Variants in HK3 observed in about 807,000 individuals in gnomAD.
HK3 encodes the protein hexokinase-3.
HK3 carries 93 observed loss-of-function variants against 91.0 expected under a neutral mutation model. The ratio of observed to expected loss-of-function variants is 1.02; its 90% CI spans 0.86 to 1.21. HK3 has a LOEUF of 1.21. Among genes scored for constraint, HK3 ranks in the 50% most tolerant of loss-of-function variants. The pLI, the probability that HK3 is intolerant of heterozygous loss-of-function variation, is 0.00. For synonymous variants in HK3, 519 were observed against 516.9 expected (o/e 1.00, Z -0.06); for missense variants, 1,235 against 1,247.4 (o/e 0.99, Z 0.15).
At position 176,880,917 on chromosome 5, in the gene HK3, CAG is replaced by C. The variant is rs1758406161; in HGVS notation, c.*154_*155del. On this transcript the variant is annotated 3_prime_UTR_variant, in exon 19 of 19. Coordinates refer to ENST00000292432, the MANE Select transcript of HK3 (RefSeq NM_002115.3). ...TTGCTAACCTGAGTGCTACTTCTCT[CAG>C]GGAAAGCCAGGGAGCAAGGCCAAAT... 4.3e-6 allele frequency: 3 copies of C among 702,856 alleles called. No individual in the cohort carries two copies. The highest frequency in any genetic ancestry group is 1.8e-5 in the African/African-American group (1 of 55,766). 43.5% of individuals were successfully genotyped at this position (702,856 alleles called of 1,614,324 possible).
At chr5:176,883,719 G>A (rs1232031289) in intron 15 of HK3, 51 bp downstream of exon 15, 7 of 1,403,022 alleles carry the variant, frequency 5.0e-6, no homozygotes, top group Non-Finnish European at 7.1e-6. Context: ...ATCAACAGAA[G>A]GCAGCAAATT....
chr5:176,887,029 G>A lies in HK3; in HGVS notation c.1830C>T (p.Phe610=), dbSNP rs758820881. 7 of 1,614,032 alleles carry A rather than the reference G, an allele frequency of 4.3e-6. No homozygotes were observed. Among genetic ancestry groups the A allele is most frequent in the African/African-American group, 1.3e-5 (1 of 74,928 alleles). ...QSLPLGFTFS[F]PCRQLGLDQG... ...GGTCTAGGCCAAGCTGCCTACATGG[G>A]AAGGAGAAGGTAAAACCCAGTGGGA... The change falls in exon 13 of 19, where the codon TTC becomes TTT. Residue 610 remains phenylalanine (F), a synonymous_variant. Transcript: ENST00000292432. This position sits in a 1 kb window ranked among gnomAD's most constrained non-coding sequence, Gnocchi z 4.9.
Position 176,883,764 on chromosome 5 carries a change from C to T in HK3, c.2053+6G>A, listed in dbSNP as rs1758504109. ...TAGGGGCATGAAAGGGCAGGGCCCT[C>T]CTCACCGACAATGAGGCCTATCTCG... is the stretch of plus-strand genomic sequence containing the variant. On this transcript the variant is annotated splice_donor_region_variant and intron_variant, in intron 15 of 18. Transcript: ENST00000292432. 1.2e-6 allele frequency: 2 copies of T among 1,610,078 alleles called. No homozygotes were observed. The highest frequency in any genetic ancestry group is 2.7e-5 in the African/African-American group (2 of 74,960).
Position 176,884,389 on chromosome 5 carries a change from G to C in HK3, c.1858-255C>G, listed in dbSNP as rs973139288. Among the ~76,000 whole-genome samples the C allele has an allele frequency of 1.3e-5, 2 of 152,210 alleles. No homozygotes were observed. Among genetic ancestry groups the C allele is most frequent in the African/African-American group, 4.8e-5 (2 of 41,436 alleles). On this transcript the variant is annotated intron_variant, in intron 13 of 18. Transcript: ENST00000292432. The surrounding 1 kb of genome is among the most constrained non-coding windows in gnomAD (Gnocchi z 4.1). ...ATTATTAGTTCCAGACAGTCAGAGG[G>C]TCTGGCCATTTTAAGACGTGTGCCC...
intron 15 of HK3, among the ~76,000 whole-genome samples, chr5:176,882,445 C>A (rs529697375): frequency 6.6e-6 from 1 of 152,238 alleles, no homozygotes; most frequent in Admixed American, 6.5e-5. Flanking sequence ...CCGCCCTCGC[C>A]CCTAGCTCTC....
intron 2 of HK3, among the ~76,000 whole-genome samples, chr5:176,893,309 A>G (rs917048935): frequency 2.6e-5 from 4 of 152,212 alleles, no homozygotes; most frequent in African/African-American, 9.7e-5. Flanking sequence ...AAAAGAACTC[A>G]AGGCTGATGA....
Position 176,888,414 on chromosome 5 carries a change from A to C in HK3, c.1222T>G (p.Ser408Ala). 3.2e-6 allele frequency: 5 copies of C among 1,562,396 alleles called. No homozygotes were observed. Among genetic ancestry groups the C allele is most frequent in the Non-Finnish European group, 4.3e-6 (5 of 1,152,628 alleles). ...LCAAALAAVL[S>A]CLQHSREQQT... ...TGCTCCCGGCTGTGCTGGAGGCAGGAGAGAACAGCGGCCAGGGCGGCAGCA... is the reference window on the plus strand; with the variant it reads ...TGCTCCCGGCTGTGCTGGAGGCAGGCGAGAACAGCGGCCAGGGCGGCAGCA... The change falls in exon 10 of 19, where the codon TCC becomes GCC. Residue 408 changes from serine (S) to alanine (A), a missense_variant. Coordinates refer to ENST00000292432, the MANE Select transcript of HK3 (RefSeq NM_002115.3).
Position 176,887,371 on chromosome 5 carries a change from G to A in HK3, c.1601-34C>T. The A allele has an allele frequency of 6.2e-7, 1 of 1,613,644 alleles. No individual in the cohort carries two copies. Among genetic ancestry groups the A allele is most frequent in the Non-Finnish European group, 8.5e-7 (1 of 1,180,024 alleles). On this transcript the variant is annotated intron_variant, in intron 11 of 18. Coordinates refer to ENST00000292432, the MANE Select transcript of HK3 (RefSeq NM_002115.3). The surrounding 1 kb of genome is among the most constrained non-coding windows in gnomAD (Gnocchi z 4.9). The stretch of plus-strand genomic sequence containing the variant: ...GCAGAGACCCTCAGTGCCGGGATAG[G>A]GCTTGTGGCTCCAGCCCCAGCACAC...
At chr5:176,889,089 C>T (rs1758686774) in intron 8 of HK3, among the ~76,000 whole-genome samples, 1 of 152,228 alleles carries the variant, frequency 6.6e-6, no homozygotes, top group African/African-American at 2.4e-5. Flanking sequence ...ACAAGAAGGA[C>T]CCAAAGGAAG....
In HK3 at chr5:176,884,179, T is replaced by A; in HGVS notation, c.1858-45A>T. 1 of 1,490,616 alleles carries A rather than the reference T, an allele frequency of 6.7e-7. No homozygotes were observed. Among genetic ancestry groups the A allele is most frequent in the East Asian group, 2.3e-5 (1 of 44,282 alleles). The allele number at this position is 1,490,616 out of a possible 1,614,324, so 92.3% of individuals were successfully genotyped here. ...AAGTGGCAGGAAGCTGGAGGCCCCT[T>A]CAGGCTCACTCTGCCTCTGCAAAAC... On this transcript the variant is annotated intron_variant, in intron 13 of 18. Transcript: ENST00000292432. The surrounding 1 kb of genome is among the most constrained non-coding windows in gnomAD (Gnocchi z 4.1).
In HK3 at chr5:176,899,268, T is replaced by C. The variant is rs1334397818; in HGVS notation, c.-28A>G. 2 of 152,338 alleles carry C rather than the reference T, an allele frequency of 1.3e-5. No individual in the cohort carries two copies. Among genetic ancestry groups the C allele is most frequent in the African/African-American group, 4.8e-5 (2 of 41,464 alleles). The allele number at this position is 152,338 out of a possible 1,614,324, so 9.4% of individuals were successfully genotyped here. A position where few individuals can be genotyped will look rare whatever the true frequency, so the allele number is the denominator to read the frequency against. ...CAGTAATTAGACCGAAGTGCTTACC[T>C]GGGACACAGAGAAGCTAGTCACTCT... On this transcript the variant is annotated splice_region_variant and 5_prime_UTR_variant, in exon 1 of 19. Transcript: ENST00000292432.
intron 8 of HK3, among the ~76,000 whole-genome samples, 167 bp downstream of exon 8, chr5:176,889,214 G>A (rs1581297945): frequency 6.6e-6 from 1 of 152,182 alleles, no homozygotes; most frequent in African/African-American, 2.4e-5. Flanking sequence ...TAGAACTTTG[G>A]GCCCTTCCTT....
intron 10 of HK3, 88 bp downstream of exon 10, chr5:176,888,244 G>A (rs985900236): frequency 8.9e-6 from 10 of 1,124,920 alleles, no homozygotes; most frequent in Non-Finnish European, 1.3e-5. Context: ...CCACTGGCTT[G>A]CACATGTGAT....
At chr5:176,890,288 T>A (rs1335279513) in intron 6 of HK3, among the ~76,000 whole-genome samples, 4 of 152,188 alleles carry the variant, frequency 2.6e-5, no homozygotes, top group Non-Finnish European at 4.4e-5. Context: ...TCCGTAGTGC[T>A]CCCAGAGTTG....
chr5:176,889,250 G>T (rs147429066), intron 8 of HK3, 131 bp downstream of exon 8: 5 of 1,031,770 alleles, frequency 4.8e-6, no homozygotes, highest in African/African-American at 3.2e-5. Flanking sequence ...GGGCCCCCAG[G>T]TTGCTCCCTG....
chr5:176,881,327 C>G lies in HK3; in HGVS notation c.2602G>C (p.Gly868Arg). Residue 868 changes from glycine (G) to arginine (R), a missense_variant, in exon 18 of 19, where the codon GGA becomes CGA. Physicochemically the swap from Gly to Arg is moderately radical, Grantham distance 125. Around this residue, in one of 3 missense-constraint regions of HK3, gnomAD observed 513 missense variants for 477.4 expected, o/e 1.07. Coordinates refer to ENST00000292432, the MANE Select transcript of HK3 (RefSeq NM_002115.3). The stretch of plus-strand genomic sequence containing the variant: ...CGCGGGTGCAGCTTGTAGAGCGTTC[C>G]ATCCACCCCCACAGACACTGCCAGC... Reference protein sequence around the residue: ...EELAVSVGVDGTLYKLHPRFS... With the variant: ...EELAVSVGVDRTLYKLHPRFS... The G allele has an allele frequency of 6.2e-7, 1 of 1,613,968 alleles. No homozygotes were observed. Among genetic ancestry groups the G allele is most frequent in the African/African-American group, 1.3e-5 (1 of 75,044 alleles).
At chr5:176,897,754 G>A (rs1002539781) in intron 1 of HK3, among the ~76,000 whole-genome samples, 7 of 150,736 alleles carry the variant, frequency 4.6e-5, no homozygotes, top group African/African-American at 1.7e-4. Flanking sequence ...GGGTTCCCAA[G>A]TTTCGGTCAT....
chr5:176,887,887 G>T lies in HK3; in HGVS notation c.1305-141C>A. 1 of 746,084 alleles carries T rather than the reference G, an allele frequency of 1.3e-6. No homozygotes were observed. Among genetic ancestry groups the T allele is most frequent in the Non-Finnish European group, 2.2e-6 (1 of 464,300 alleles). 46.2% of individuals were successfully genotyped at this position (746,084 alleles called of 1,614,324 possible). On this transcript the variant is annotated intron_variant, in intron 10 of 18. Coordinates refer to ENST00000292432, the MANE Select transcript of HK3 (RefSeq NM_002115.3). The surrounding 1 kb of genome is among the most constrained non-coding windows in gnomAD (Gnocchi z 4.9). ...ACCCCTAGGGCCTCCTGAAGCCCAA[G>T]GCCCCATCACTTTTTTTTTTTTATT...
Position 176,891,467 on chromosome 5 carries a change from C to T in HK3, c.180G>A (p.Gln60=). ...CAGGGCTGGCCTGTCCCCTCAGCGC[C>T]TGCTCCATGGAACCCAAGAGGCTGG... ...IQASLLGSME[Q]ALRGQASPAP... The change falls in exon 3 of 19, where the codon CAG becomes CAA. Residue 60 remains glutamine, a synonymous_variant. Transcript: ENST00000292432. 6.2e-7 allele frequency: 1 copy of T among 1,614,214 alleles called. No homozygotes were observed. Among genetic ancestry groups the T allele is most frequent in the Admixed American group, 1.7e-5 (1 of 60,030 alleles).
Sources: gnomAD v4.1 joint callset for allele counts (sites outside exome capture counted in the v4.1 genomes callset) on GRCh38, gnomAD v4.1.1 for gene constraint, gnomAD v4.1.1 regional missense constraint, Gnocchi (gnomAD v3.1) non-coding constraint, MANE v1.5 for transcripts, NCBI Gene and HGNC (gene_info 2026-07-23, HGNC 2026-07-21) for gene names.